KPNA3: variants seen among roughly 807,000 people sequenced by gnomAD.
KPNA3 encodes importin subunit alpha-4.
In KPNA3, 13 loss-of-function variants were observed where a neutral mutation model predicts 73.8. The observed-to-expected ratio is 0.18, with a 90% CI of 0.11 to 0.28. KPNA3 has a LOEUF of 0.28. KPNA3 is among the 10% of genes least tolerant of loss of function. The pLI, the probability that KPNA3 is intolerant of heterozygous loss-of-function variation, is 1.00. For synonymous variants in KPNA3, 186 were observed against 206.9 expected, an observed-to-expected ratio of 0.90 and a Z score of 0.87; for missense variants, 360 against 618.1, an observed-to-expected ratio of 0.58 and a Z score of 4.43.
chr13:49,713,998 C>G (rs1391879115), intron 10 of KPNA3, among the ~76,000 whole-genome samples: 3 of 152,174 alleles, frequency 2.0e-5, no homozygotes, highest in African/African-American at 7.2e-5. Flanking sequence ...GCCAAAACGC[C>G]TGGCCTAAAC....
chr13:49,782,413 T>A (rs1299090797), intron 1 of KPNA3, among the ~76,000 whole-genome samples: 3 of 152,188 alleles, frequency 2.0e-5, no homozygotes, highest in Non-Finnish European at 2.9e-5. Context: ...ACTTTTTCTA[T>A]ACTCTTATAG....
intron 6 of KPNA3, among the ~76,000 whole-genome samples, chr13:49,726,639 C>G (rs1269494079): frequency 2.0e-5 from 3 of 152,072 alleles, no homozygotes; most frequent in African/African-American, 7.2e-5. Flanking sequence ...AGGTTAAAGG[C>G]TGATATAGGA....
rs574677065 is a variant in KPNA3, at chr13:49,757,535, C to T, written c.70-10542G>A. Among the ~76,000 whole-genome samples the T allele has an allele frequency of 2.6e-5, 4 of 152,218 alleles. No individual in the cohort carries two copies. In the East Asian group the frequency reaches 5.8e-4, roughly 22 times the overall value. On this transcript the variant is annotated intron_variant, in intron 1 of 16. Transcript: ENST00000261667. ...ACATCTAAAATTTAAAATTGTGATA[C>T]TTTCAAATGCTGGTGAGTATGGAGA... is the stretch of plus-strand genomic sequence containing the variant.
intron 9 of KPNA3, among the ~76,000 whole-genome samples, chr13:49,720,789 T>C (rs912638060): frequency 4.0e-5 from 6 of 150,336 alleles, no homozygotes; most frequent in Admixed American, 1.3e-4. Context: ...TTATGTAGGA[T>C]TTTTTTTTAA....
intron 1 of KPNA3, among the ~76,000 whole-genome samples, chr13:49,761,294 A>G (rs1231032644): frequency 1.3e-5 from 2 of 151,972 alleles, no homozygotes; most frequent in Non-Finnish European, 2.9e-5. Flanking sequence ...GGCGAGCCGA[A>G]GCTGGACTGT....
intron 12 of KPNA3, among the ~76,000 whole-genome samples, chr13:49,707,050 CTA>C: frequency 6.6e-6 from 1 of 152,152 alleles, no homozygotes; most frequent in Middle Eastern, 3.4e-3. Flanking sequence ...CGCCCAGCCA[CTA>C]TACAACTGAA....
At chr13:49,754,854 G>A (rs1056257659) in intron 1 of KPNA3, among the ~76,000 whole-genome samples, 6 of 152,096 alleles carry the variant, frequency 3.9e-5, no homozygotes, top group East Asian at 3.9e-4. Context: ...TTTGAATAAC[G>A]CTGTTAACTA....
At chr13:49,771,086 C>T (rs1419571083) in intron 1 of KPNA3, among the ~76,000 whole-genome samples, 4 of 128,532 alleles carry the variant, frequency 3.1e-5, no homozygotes, top group Non-Finnish European at 6.4e-5. Context: ...TTTGCAATTC[C>T]ATACAAATTT....
intron 10 of KPNA3, among the ~76,000 whole-genome samples, chr13:49,713,829 A>G (rs1954282323): frequency 6.6e-6 from 1 of 152,026 alleles, no homozygotes. Context: ...TCAGTGCCCC[A>G]TGTAGCTGGG....
chr13:49,747,358 GAAGAAGA>G (rs1454305337), intron 1 of KPNA3, among the ~76,000 whole-genome samples: 5 of 146,434 alleles, frequency 3.4e-5, no homozygotes, highest in Non-Finnish European at 7.5e-5. Context: ...AAAAAAAGAA[GAAGAAGA>G]AAAAAAAAAA....
intron 7 of KPNA3, among the ~76,000 whole-genome samples, chr13:49,723,869 A>T (rs1233514571): frequency 1.2e-5 from 1 of 81,964 alleles, no homozygotes; most frequent in Non-Finnish European, 3.4e-5. Context: ...ACTCCGTCTT[A>T]AAAAAAAAAA....
At position 49,713,799 on chromosome 13, in the gene KPNA3, G is replaced by A. The variant is rs555446523; in HGVS notation, c.772-2777C>T. On this transcript the variant is annotated intron_variant, in intron 10 of 16. Coordinates refer to ENST00000261667, the MANE Select transcript of KPNA3 (RefSeq NM_002267.4). Reference sequence around the variant, plus strand: ...GCTCTCTGCAATCTCTGCCTCCTAAGTTCAAGTGATTCTCCTGCCTCAGTG... The same window carrying A: ...GCTCTCTGCAATCTCTGCCTCCTAAATTCAAGTGATTCTCCTGCCTCAGTG... Among the ~76,000 whole-genome samples, 14 of 152,262 alleles carry A rather than the reference G, an allele frequency of 9.2e-5. No individual in the cohort carries two copies. In the South Asian group the frequency reaches 2.7e-3, roughly 29 times the overall value.
chr13:49,734,946 G>GAGAT lies in KPNA3; in HGVS notation c.115-1904_115-1901dup, dbSNP rs1197576604. Among the ~76,000 whole-genome samples the GAGAT allele has an allele frequency of 4.3e-5, 5 of 115,490 alleles. No homozygotes were observed. In the South Asian group the frequency reaches 1.8e-3, roughly 43 times the overall value. The allele number at this position is 115,490 out of a possible 152,430, so 75.8% of individuals were successfully genotyped here. A position where few individuals can be genotyped will look rare whatever the true frequency, so the allele number is the denominator to read the frequency against. ...ACATATATATATATATATAGAGAGA[G>GAGAT]AGATAGATAGAGAGAGAGAGAGAGA... On this transcript the variant is annotated intron_variant, in intron 2 of 16. Coordinates refer to ENST00000261667, the MANE Select transcript of KPNA3 (RefSeq NM_002267.4).
chr13:49,756,731 G>C (rs970859415), intron 1 of KPNA3, among the ~76,000 whole-genome samples: 1 of 152,238 alleles, frequency 6.6e-6, no homozygotes, highest in Admixed American at 6.5e-5. Flanking sequence ...ATACGGAAAG[G>C]CAAAGTAAGT....
At chr13:49,734,948 G>A (rs1002156893) in intron 2 of KPNA3, among the ~76,000 whole-genome samples, 15 of 114,118 alleles carry the variant, frequency 1.3e-4, no homozygotes, top group Admixed American at 5.4e-4. Context: ...TAGAGAGAGA[G>A]ATAGATAGAG....
intron 10 of KPNA3, among the ~76,000 whole-genome samples, chr13:49,714,429 C>T (rs1173541221): frequency 6.6e-6 from 1 of 152,062 alleles, no homozygotes; most frequent in Non-Finnish European, 1.5e-5. Context: ...AACTACCCTG[C>T]ACACTTTAAT....
At chr13:49,773,984 C>T (rs1400251038) in intron 1 of KPNA3, among the ~76,000 whole-genome samples, 1 of 152,162 alleles carries the variant, frequency 6.6e-6, no homozygotes, top group Admixed American at 6.5e-5. Context: ...TGGCTCGCTG[C>T]AGCCTCAACC....
chr13:49,732,570 G>T, intron 5 of KPNA3, 35 bp downstream of exon 5: 2 of 1,536,790 alleles, frequency 1.3e-6, no homozygotes, highest in Middle Eastern at 1.7e-4. Flanking sequence ...ACTGAGGAAT[G>T]ACATAATTCT....
At chr13:49,788,307 T>C (rs1291967710) in intron 1 of KPNA3, among the ~76,000 whole-genome samples, 1 of 152,234 alleles carries the variant, frequency 6.6e-6, no homozygotes, top group Non-Finnish European at 1.5e-5. Context: ...GAGCATTTGT[T>C]TTGTAATTAT....
Sources: gnomAD v4.1 joint callset for allele counts (sites outside exome capture counted in the v4.1 genomes callset) on GRCh38, gnomAD v4.1.1 for gene constraint, MANE v1.5 for transcripts, NCBI Gene and HGNC (gene_info 2026-07-23, HGNC 2026-07-21) for gene names.